CNTN3: variants seen among roughly 807,000 people sequenced by gnomAD.
CNTN3 encodes contactin 3, also known as contactin-3.
In CNTN3, 60 loss-of-function variants were observed where a neutral mutation model predicts 119.1. That is an observed-to-expected ratio of 0.50 (90% CI 0.41 to 0.62). The LOEUF is 0.62. Among genes scored for constraint, CNTN3 ranks in the 20% least tolerant of loss-of-function variants. The pLI is 0.00. For missense variants in CNTN3, 1,101 were observed against 1,242.4 expected (o/e 0.89, Z 1.71); for synonymous variants, 450 against 438.7 (o/e 1.03, Z -0.32).
intron 14 of CNTN3, 57 bp from the exon 15 acceptor site, chr3:74,301,862 C>T: frequency 1.3e-6 from 2 of 1,562,014 alleles, no homozygotes; most frequent in South Asian, 1.2e-5. Context: ...TCATCCTCTC[C>T]TATCAAAGAG....
chr3:74,405,200 G>A (rs1031707543), intron 5 of CNTN3, among the ~76,000 whole-genome samples: 12 of 151,934 alleles, frequency 7.9e-5, no homozygotes, highest in African/African-American at 2.9e-4. Context: ...TGTAAAGAAA[G>A]GGATTTGACA....
At chr3:74,285,776 G>A (rs373054287) in intron 19 of CNTN3, among the ~76,000 whole-genome samples, 1 of 130,360 alleles carries the variant, frequency 7.7e-6, no homozygotes, top group Non-Finnish European at 1.6e-5. Flanking sequence ...TTATAAGTGG[G>A]AGAATGAAGG....
intron 4 of CNTN3, among the ~76,000 whole-genome samples, chr3:74,437,910 T>A (rs1009246653): frequency 6.6e-6 from 1 of 152,192 alleles, no homozygotes; most frequent in Admixed American, 6.5e-5. Flanking sequence ...AAAGCCAATG[T>A]TCTCACATAA....
chr3:74,589,103 A>T (rs1424761867), intron 1 of CNTN3, among the ~76,000 whole-genome samples: 3 of 150,738 alleles, frequency 2.0e-5, no homozygotes, highest in Non-Finnish European at 4.5e-5. Flanking sequence ...AAAATTGACA[A>T]ATGGGATCTA....
intron 18 of CNTN3, among the ~76,000 whole-genome samples, chr3:74,297,257 G>C (rs1465074289): frequency 6.6e-6 from 1 of 152,096 alleles, no homozygotes; most frequent in Non-Finnish European, 1.5e-5. Context: ...GATTTTCCTT[G>C]CTTCACAAGC....
intron 13 of CNTN3, among the ~76,000 whole-genome samples, chr3:74,312,180 G>A (rs1194166176): frequency 2.0e-5 from 3 of 152,110 alleles, no homozygotes; most frequent in Admixed American, 6.5e-5. Flanking sequence ...CAGGCCGGAC[G>A]TGGTGGCTCA....
At chr3:74,321,249 T>C (rs1339683575) in intron 13 of CNTN3, among the ~76,000 whole-genome samples, 1 of 152,116 alleles carries the variant, frequency 6.6e-6, no homozygotes, top group Non-Finnish European at 1.5e-5. Context: ...TTAACAAACC[T>C]GTATGTGTGC....
chr3:74,611,738 A>T (rs77590991), intron 1 of CNTN3, among the ~76,000 whole-genome samples: 2 of 152,320 alleles, frequency 1.3e-5, no homozygotes, highest in East Asian at 3.9e-4. Context: ...ATGCATGTTA[A>T]AAGTATATGC....
chr3:74,462,338 G>A (rs1702385483), intron 4 of CNTN3, among the ~76,000 whole-genome samples: 1 of 152,000 alleles, frequency 6.6e-6, no homozygotes, highest in Non-Finnish European at 1.5e-5. Flanking sequence ...CAAAGACATA[G>A]AAGACCTAAT....
At chr3:74,286,765 T>C (rs1007118157) in intron 19 of CNTN3, among the ~76,000 whole-genome samples, 3 of 152,032 alleles carry the variant, frequency 2.0e-5, no homozygotes, top group Non-Finnish European at 4.4e-5. Flanking sequence ...GGGGAGAGGG[T>C]TGTTAAGACT....
intron 1 of CNTN3, among the ~76,000 whole-genome samples, chr3:74,558,746 C>T (rs1034974270): frequency 6.6e-6 from 1 of 152,006 alleles, no homozygotes; most frequent in African/African-American, 2.4e-5. Flanking sequence ...CTTTGGGAGG[C>T]CGAGGCAGGC....
intron 5 of CNTN3, among the ~76,000 whole-genome samples, chr3:74,377,573 T>C (rs1015238748): frequency 6.6e-6 from 1 of 152,218 alleles, no homozygotes; most frequent in Non-Finnish European, 1.5e-5. Flanking sequence ...AAGCTAGTCT[T>C]TACAAAACCT....
intron 13 of CNTN3, among the ~76,000 whole-genome samples, chr3:74,306,214 CAAAA>C (rs79818182): frequency 2.4e-5 from 2 of 84,206 alleles, no homozygotes; most frequent in Non-Finnish European, 5.1e-5. Flanking sequence ...GAGAAATGTC[CAAAA>C]AAAAAAAAAA....
intron 2 of CNTN3, 61 bp downstream of exon 2, chr3:74,520,997 T>A: frequency 9.0e-6 from 8 of 891,654 alleles, no homozygotes; most frequent in Non-Finnish European, 1.3e-5. Context: ...AAAAATTATG[T>A]AAGCATATGA....
At chr3:74,532,705 G>C (rs1047298231) in intron 1 of CNTN3, among the ~76,000 whole-genome samples, 18 of 151,932 alleles carry the variant, frequency 1.2e-4, no homozygotes, top group African/African-American at 4.3e-4. Context: ...GCTCGGAATG[G>C]AATGCAATCT....
At chr3:74,382,132 C>T (rs1704637240) in intron 5 of CNTN3, among the ~76,000 whole-genome samples, 1 of 152,014 alleles carries the variant, frequency 6.6e-6, no homozygotes, top group African/African-American at 2.4e-5. Flanking sequence ...CACTTGAACC[C>T]AGAAGGTGGA....
At chr3:74,274,647 T>C (rs898319248) in intron 20 of CNTN3, among the ~76,000 whole-genome samples, 1 of 152,080 alleles carries the variant, frequency 6.6e-6, no homozygotes, top group Non-Finnish European at 1.5e-5. Context: ...CAAAAGAATC[T>C]GAACAACAGC....
At chr3:74,283,097 G>C (rs1702046225) in intron 20 of CNTN3, among the ~76,000 whole-genome samples, 1 of 152,090 alleles carries the variant, frequency 6.6e-6, no homozygotes, top group East Asian at 1.9e-4. Context: ...CCTAAGCACA[G>C]AGCAAAATCA....
At chr3:74,575,606 AACACACACAC>A (rs71129762) in intron 1 of CNTN3, among the ~76,000 whole-genome samples, 33 of 135,172 alleles carry the variant, frequency 2.4e-4, no homozygotes, top group African/African-American at 8.5e-4. Context: ...AGTCTCTCCC[AACACACACAC>A]ACACACACAC....
Sources: allele counts gnomAD v4.1 joint callset (sites outside exome capture counted in the v4.1 genomes callset), GRCh38; gene constraint gnomAD v4.1.1; transcripts MANE v1.5; gene names NCBI Gene and HGNC (gene_info 2026-07-23, HGNC 2026-07-21).